Variants in ENTREP2 observed in about 807,000 individuals in gnomAD.
ENTREP2 encodes the protein endosomal transmembrane epsin interactor 2, also known as protein ENTREP2.
chr15:29,211,114 A>G, the ENTREP2 span, among the ~76,000 whole-genome samples: 1 of 152,232 alleles, frequency 6.6e-6, no homozygotes, highest in Admixed American at 6.5e-5. Context: ...TAATGGAAAG[A>G]GTAAAAAATC....
At chr15:29,639,406 C>T in the ENTREP2 span, among the ~76,000 whole-genome samples, 1 of 152,006 alleles carries the variant, frequency 6.6e-6, no homozygotes, top group Non-Finnish European at 1.5e-5. Flanking sequence ...AGCATTTATG[C>T]AAAAGTCAGA....
chr15:29,372,299 A>C, the ENTREP2 span, among the ~76,000 whole-genome samples: 1 of 152,236 alleles, frequency 6.6e-6, no homozygotes, highest in African/African-American at 2.4e-5. Flanking sequence ...CTTAATTAAT[A>C]GTAAATACAT....
chr15:29,435,048 A>G, the ENTREP2 span, among the ~76,000 whole-genome samples: 1 of 152,110 alleles, frequency 6.6e-6, no homozygotes, highest in African/African-American at 2.4e-5. Context: ...TTTTGAGAGT[A>G]CTGTACACCT....
the ENTREP2 span, among the ~76,000 whole-genome samples, chr15:29,640,676 A>AAC: frequency 1.1e-4 from 17 of 151,980 alleles, no homozygotes; most frequent in African/African-American, 3.9e-4. Context: ...AACAAAACAA[A>AAC]AAAACCAAAA....
the ENTREP2 span, among the ~76,000 whole-genome samples, chr15:29,155,970 C>A: frequency 6.6e-6 from 1 of 152,140 alleles, no homozygotes; most frequent in African/African-American, 2.4e-5. Context: ...GGCATCTCCA[C>A]TGCCCTCCCT....
chr15:29,262,321 T>C, the ENTREP2 span, among the ~76,000 whole-genome samples: 1 of 152,230 alleles, frequency 6.6e-6, no homozygotes, highest in Admixed American at 6.5e-5. Flanking sequence ...GGCCTCTGAT[T>C]GTGGGTCAAA....
chr15:29,580,000 G>A, the ENTREP2 span, among the ~76,000 whole-genome samples: 1,394 of 151,842 alleles, frequency 9.2e-3, 25 homozygotes, highest in African/African-American at 0.032. Flanking sequence ...GTGAGCCACC[G>A]CGCCCGGCCA....
the ENTREP2 span, chr15:29,128,762 T>C: frequency 1.2e-5 from 18 of 1,533,682 alleles, no homozygotes; most frequent in Non-Finnish European, 1.6e-5. Flanking sequence ...AACACCCCAC[T>C]TCAGGAGCTG....
At chr15:29,442,663 G>A in the ENTREP2 span, among the ~76,000 whole-genome samples, 2 of 152,180 alleles carry the variant, frequency 1.3e-5, no homozygotes, top group African/African-American at 4.8e-5. Flanking sequence ...CCTGGCCAAA[G>A]AGGCTCCAGT....
the ENTREP2 span, among the ~76,000 whole-genome samples, chr15:29,589,574 T>C: frequency 2.0e-5 from 3 of 152,216 alleles, no homozygotes; most frequent in Non-Finnish European, 4.4e-5. Flanking sequence ...CTTTATAGAA[T>C]GAAAGGAAAC....
the ENTREP2 span, among the ~76,000 whole-genome samples, chr15:29,147,085 T>C: frequency 3.9e-5 from 6 of 152,324 alleles, no homozygotes; most frequent in African/African-American, 1.2e-4. Context: ...ATTGAAACTT[T>C]TGTGCATCAA....
At chr15:29,233,920 T>C in the ENTREP2 span, 1 of 1,571,010 alleles carries the variant, frequency 6.4e-7, no homozygotes, top group Non-Finnish European at 8.8e-7. Context: ...GAAGAAACTG[T>C]TCAGCTGGAG....
the ENTREP2 span, among the ~76,000 whole-genome samples, chr15:29,335,084 A>T: frequency 6.6e-6 from 1 of 152,162 alleles, no homozygotes; most frequent in African/African-American, 2.4e-5. Flanking sequence ...GCCATCAGTG[A>T]GGGTTCTAGT....
chr15:29,546,843 C>T, the ENTREP2 span, among the ~76,000 whole-genome samples: 6,990 of 143,686 alleles, frequency 0.049, 557 homozygotes, highest in African/African-American at 0.17. Flanking sequence ...GCCAAGATCA[C>T]GCCACTGCAC....
the ENTREP2 span, among the ~76,000 whole-genome samples, chr15:29,237,969 A>G: frequency 5.9e-5 from 9 of 152,262 alleles, no homozygotes; most frequent in Non-Finnish European, 1.2e-4. Flanking sequence ...CTGATGGATG[A>G]GCGGATAAAC....
chr15:29,234,023 C>T, the ENTREP2 span: 1 of 1,483,930 alleles, frequency 6.7e-7, no homozygotes, highest in Non-Finnish European at 9.4e-7. Flanking sequence ...TGTTCCACCT[C>T]TGGGTCAAGA....
chr15:29,644,122 G>A, the ENTREP2 span, among the ~76,000 whole-genome samples: 1 of 152,160 alleles, frequency 6.6e-6, no homozygotes, highest in Non-Finnish European at 1.5e-5. Flanking sequence ...TAAATGAACT[G>A]ATACATGCTT....
the ENTREP2 span, among the ~76,000 whole-genome samples, chr15:29,133,250 C>A: frequency 1.3e-5 from 2 of 152,158 alleles, no homozygotes; most frequent in East Asian, 1.9e-4. Flanking sequence ...ATCCCATCTT[C>A]TCTCCTCTTT....
At chr15:29,338,853 A>AAT in the ENTREP2 span, among the ~76,000 whole-genome samples, 1 of 152,176 alleles carries the variant, frequency 6.6e-6, no homozygotes, top group African/African-American at 2.4e-5. Context: ...GTAAACATTT[A>AAT]AAATTTACAT....
Sources: gnomAD v4.1 joint callset for allele counts (sites outside exome capture counted in the v4.1 genomes callset) on GRCh38, gnomAD v4.1.1 for gene constraint, MANE v1.5 for transcripts, NCBI Gene and HGNC (gene_info 2026-07-23, HGNC 2026-07-21) for gene names.